Variants in CARM1 observed in about 807,000 individuals in gnomAD.
The protein encoded by CARM1 is coactivator associated arginine methyltransferase 1.
Under a neutral mutation model 72.7 loss-of-function variants are expected in CARM1, and 14 were observed. The ratio of observed to expected loss-of-function variants is 0.19; its 90% CI spans 0.13 to 0.30. The LOEUF is 0.30. CARM1 is among the 10% of genes least tolerant of loss of function. The pLI is 1.00. For missense variants in CARM1, 432 were observed against 833.7 expected (o/e 0.52, Z 5.93); for synonymous variants, 333 against 345.5 (o/e 0.96, Z 0.40).
chr19:10,892,279 G>A (rs753134558), intron 1 of CARM1, among the ~76,000 whole-genome samples: 6 of 152,230 alleles, frequency 3.9e-5, no homozygotes, highest in Admixed American at 2.0e-4. Context: ...TTTCTGGGCC[G>A]GAAGTTTTTG....
chr19:10,909,068 A>G lies in CARM1; in HGVS notation c.454-35A>G, dbSNP rs749838283. On this transcript the variant is annotated intron_variant, in intron 3 of 15. Transcript: ENST00000327064. ...AGGGCCTTGGCTGCCTCGTGCCACC[A>G]TGTGCCCCGTGCCATCGGTATGTCT... is the stretch of plus-strand genomic sequence containing the variant. 243 of 1,526,900 alleles carry G rather than the reference A, an allele frequency of 1.6e-4. 1 individual carries two copies. The highest frequency in any genetic ancestry group is 1.8e-6 in the Non-Finnish European group (2 of 1,102,276). The allele number at this position is 1,526,900 out of a possible 1,614,324, so 94.6% of individuals were successfully genotyped here.
intron 2 of CARM1, among the ~76,000 whole-genome samples, chr19:10,906,938 ACT>A (rs1157389189): frequency 4.3e-5 from 6 of 139,160 alleles, no homozygotes; most frequent in African/African-American, 1.6e-4. Flanking sequence ...ACAGAGTCTC[ACT>A]CTGTTGCCCA....
intron 1 of CARM1, among the ~76,000 whole-genome samples, chr19:10,899,186 A>G (rs1243944516): frequency 6.6e-6 from 1 of 152,160 alleles, no homozygotes; most frequent in African/African-American, 2.4e-5. Flanking sequence ...ACTTGCCCTC[A>G]GCCCCGGCAT....
rs1227147212 is a variant in CARM1, at chr19:10,896,900, G to A, written c.221-8051G>A. On this transcript the variant is annotated intron_variant, in intron 1 of 15. Transcript: ENST00000327064. This position sits in a 1 kb window ranked among gnomAD's most constrained non-coding sequence, Gnocchi z 5.2. ...GGAAGTGGGTGGCGAGGATGCTGAG[G>A]GTCCAGCCTCTGCTCTGCACCTGTA... Among the ~76,000 whole-genome samples, 1 of 152,168 alleles carries A rather than the reference G, an allele frequency of 6.6e-6. No individual in the cohort carries two copies. Among genetic ancestry groups the A allele is most frequent in the Non-Finnish European group, 1.5e-5 (1 of 68,008 alleles).
chr19:10,911,729 G>A (rs529833429), intron 4 of CARM1, among the ~76,000 whole-genome samples: 2 of 152,214 alleles, frequency 1.3e-5, no homozygotes, highest in Non-Finnish European at 2.9e-5. Context: ...GTAGCCCTGC[G>A]GGGAGCCCAG....
At position 10,920,852 on chromosome 19, in the gene CARM1, C is replaced by G. The variant is rs2074238349; in HGVS notation, c.1443C>G (p.Pro481=). The change falls in exon 13 of 16, where the codon CCC becomes CCG. Residue 481 remains proline, a synonymous_variant. Transcript: ENST00000327064. The surrounding 1 kb of genome is among the most constrained non-coding windows in gnomAD (Gnocchi z 5.3). ...GCCATAGATACACGGGCACAACGCC[C>G]TCACCCCCACCCGGCTCCCACTACA... ...NPFFRYTGTT[P]SPPPGSHYTS... The G allele has an allele frequency of 8.1e-6, 13 of 1,614,234 alleles. No individual in the cohort carries two copies. The highest frequency in any genetic ancestry group is 1.1e-5 in the Non-Finnish European group (13 of 1,180,024).
intron 1 of CARM1, among the ~76,000 whole-genome samples, chr19:10,881,726 C>T (rs1599684925): frequency 6.6e-6 from 1 of 152,160 alleles, no homozygotes; most frequent in African/African-American, 2.4e-5. Context: ...CCCACTCTTT[C>T]ATTCATTCAG....
At position 10,920,421 on chromosome 19, in the gene CARM1, G is replaced by A. The variant is rs1182524020; in HGVS notation, c.1197-15G>A. The A allele has an allele frequency of 6.2e-7, 1 of 1,605,108 alleles. No homozygotes were observed. The highest frequency in any genetic ancestry group is 8.5e-7 in the Non-Finnish European group (1 of 1,173,298). On this transcript the variant is annotated splice_polypyrimidine_tract_variant and intron_variant, in intron 10 of 15. Coordinates refer to ENST00000327064, the MANE Select transcript of CARM1 (RefSeq NM_199141.2). The surrounding 1 kb of genome is among the most constrained non-coding windows in gnomAD (Gnocchi z 5.3). ...CGCCGGCCCAGTCAAGTATGTGCCT[G>A]TCCCTGCTCCACAGAATGACCGTGT... is the stretch of plus-strand genomic sequence containing the variant.
rs1421773051 is a variant in CARM1, at chr19:10,896,935, G to C, written c.221-8016G>C. Among the ~76,000 whole-genome samples, 1 of 152,162 alleles carries C rather than the reference G, an allele frequency of 6.6e-6. No individual in the cohort carries two copies. The highest frequency in any genetic ancestry group is 2.4e-5 in the African/African-American group (1 of 41,448). ...CTGCTCTGCACCTGTAATCCTTCCGGGTTTTGCAAATGAAGCTTTATGGGC... is the reference window on the plus strand; with the variant it reads ...CTGCTCTGCACCTGTAATCCTTCCGCGTTTTGCAAATGAAGCTTTATGGGC... On this transcript the variant is annotated intron_variant, in intron 1 of 15. Coordinates refer to ENST00000327064, the MANE Select transcript of CARM1 (RefSeq NM_199141.2). This position sits in a 1 kb window ranked among gnomAD's most constrained non-coding sequence, Gnocchi z 5.2.
Position 10,920,541 on chromosome 19 carries a change from C to T in CARM1, c.1302C>T (p.Leu434=). The part of the protein sequence containing the change: ...SPLFAKAGDT[L]SGTCLLIANK... The stretch of plus-strand genomic sequence containing the variant: ...TGTTCGCCAAGGCAGGGGACACGCT[C>T]TCAGGGACATGTCTGCTTATTGCCA... The change falls in exon 11 of 16, where the codon CTC becomes CTT. Residue 434 remains leucine (L), a synonymous_variant. Transcript: ENST00000327064. This position sits in a 1 kb window ranked among gnomAD's most constrained non-coding sequence, Gnocchi z 5.3. The T allele has an allele frequency of 6.2e-7, 1 of 1,614,052 alleles. No homozygotes were observed. The highest frequency in any genetic ancestry group is 1.3e-5 in the African/African-American group (1 of 75,024).
intron 3 of CARM1, chr19:10,908,471 C>T (rs531544309): frequency 1.1e-4 from 31 of 281,688 alleles, no homozygotes; most frequent in Admixed American, 2.3e-4. Context: ...CTGGTCTAAG[C>T]GCTGTCACAT....
In CARM1 at chr19:10,921,950, G is replaced by A. The variant is rs923750977; in HGVS notation, c.*193G>A. 14 of 555,430 alleles carry A rather than the reference G, an allele frequency of 2.5e-5. No homozygotes were observed. Among genetic ancestry groups the A allele is most frequent in the Non-Finnish European group, 3.8e-5 (12 of 319,718 alleles). 34.4% of individuals were successfully genotyped at this position (555,430 alleles called of 1,614,324 possible). A position where few individuals can be genotyped will look rare whatever the true frequency, so the allele number is the denominator to read the frequency against. On this transcript the variant is annotated 3_prime_UTR_variant, in exon 16 of 16. Transcript: ENST00000327064. ...ACCCTAACCCCCACCTCCCGGCCCT[G>A]AGCGTGTGTCGCTGCCATATTTTAC...
intron 1 of CARM1, among the ~76,000 whole-genome samples, chr19:10,899,455 C>G (rs1224858506): frequency 2.0e-5 from 3 of 152,204 alleles, no homozygotes; most frequent in Non-Finnish European, 4.4e-5. Flanking sequence ...CTTCCTGGGA[C>G]CCACCCACAG....
rs1760616347 is a variant in CARM1, at chr19:10,873,754, C to T, written c.220+1832C>T. Among the ~76,000 whole-genome samples the T allele has an allele frequency of 2.0e-5, 3 of 148,782 alleles. No individual in the cohort carries two copies. The South Asian group carries it at 6.5e-4, about 32-fold the overall frequency. On this transcript the variant is annotated intron_variant, in intron 1 of 15. Coordinates refer to ENST00000327064, the MANE Select transcript of CARM1 (RefSeq NM_199141.2). Reference sequence around the variant, plus strand: ...ACCTGGGTTCACGCCATTCTCCTGCCTCAGCCTCCCGAGTAGCTGGGACTA... The same window carrying T: ...ACCTGGGTTCACGCCATTCTCCTGCTTCAGCCTCCCGAGTAGCTGGGACTA...
At position 10,922,295 on chromosome 19, in the gene CARM1, G is replaced by A. The variant is rs2074267282; in HGVS notation, c.*538G>A. ...GCCGAGCCAGCAGCCCCTCTCCCTA[G>A]ACTCAGAGGCGCCGCGGGGAGGGGT... On this transcript the variant is annotated 3_prime_UTR_variant, in exon 16 of 16. Coordinates refer to ENST00000327064, the MANE Select transcript of CARM1 (RefSeq NM_199141.2). 6.5e-6 allele frequency: 1 copy of A among 152,698 alleles called. No individual in the cohort carries two copies. Among genetic ancestry groups the A allele is most frequent in the Admixed American group, 6.5e-5 (1 of 15,280 alleles). 9.5% of individuals were successfully genotyped at this position (152,698 alleles called of 1,614,324 possible). A position where few individuals can be genotyped will look rare whatever the true frequency, so the allele number is the denominator to read the frequency against.
chr19:10,888,039 G>A lies in CARM1; in HGVS notation c.220+16117G>A, dbSNP rs553867644. On this transcript the variant is annotated intron_variant, in intron 1 of 15. Coordinates refer to ENST00000327064, the MANE Select transcript of CARM1 (RefSeq NM_199141.2). ...CTCAGCAGCCTGGGGTCTTCTTGCC[G>A]CTCCATGACACGCCTCATTCAGCCC... Among the ~76,000 whole-genome samples, 11 of 152,320 alleles carry A rather than the reference G, an allele frequency of 7.2e-5. No homozygotes were observed. In the South Asian group the frequency reaches 1.2e-3, roughly 17 times the overall value.
rs577863736 is a variant in CARM1, at chr19:10,920,285, G to C, written c.1197-151G>C. 37 of 873,918 alleles carry C rather than the reference G, an allele frequency of 4.2e-5. 1 individual carries two copies. The South Asian group carries it at 6.5e-4, about 15-fold the overall frequency. 54.1% of individuals were successfully genotyped at this position (873,918 alleles called of 1,614,324 possible). ...TATGCCTGCTCATGTTTGTGTCTGGGACTGCCTGGGGGCCAGCCTGTCTCT... is the reference window on the plus strand; with the variant it reads ...TATGCCTGCTCATGTTTGTGTCTGGCACTGCCTGGGGGCCAGCCTGTCTCT... On this transcript the variant is annotated intron_variant, in intron 10 of 15. Coordinates refer to ENST00000327064, the MANE Select transcript of CARM1 (RefSeq NM_199141.2). This position sits in a 1 kb window ranked among gnomAD's most constrained non-coding sequence, Gnocchi z 5.3.
chr19:10,891,913 C>T (rs1170824676), intron 1 of CARM1, among the ~76,000 whole-genome samples: 1 of 152,180 alleles, frequency 6.6e-6, no homozygotes, highest in Non-Finnish European at 1.5e-5. Context: ...AAGGAGGGTG[C>T]GGATTGAAAA....
Position 10,921,416 on chromosome 19 carries a change from T to A in CARM1, c.1657T>A (p.Ser553Thr). 6.2e-7 allele frequency: 1 copy of A among 1,610,242 alleles called. No individual in the cohort carries two copies. Among genetic ancestry groups the A allele is most frequent in the South Asian group, 1.1e-5 (1 of 90,670 alleles). The part of the protein sequence containing the change: ...IVNHTHSRMG[S>T]IMSTGIVQGS... Reference sequence around the variant, plus strand: ...CAATCACACCCACTCCCGGATGGGCTCCATAATGAGCACGGGGATTGTCCA... The same window carrying A: ...CAATCACACCCACTCCCGGATGGGCACCATAATGAGCACGGGGATTGTCCA... The change falls in exon 15 of 16, where the codon TCC becomes ACC. Residue 553 changes from serine (S) to threonine (T), a missense_variant. Around this residue, in one of 3 missense-constraint regions of CARM1, gnomAD observed 142 missense variants for 188.7 expected, o/e 0.75. Coordinates refer to ENST00000327064, the MANE Select transcript of CARM1 (RefSeq NM_199141.2).
Sources: gnomAD v4.1 joint callset for allele counts (sites outside exome capture counted in the v4.1 genomes callset) on GRCh38, gnomAD v4.1.1 for gene constraint, gnomAD v4.1.1 regional missense constraint, Gnocchi (gnomAD v3.1) non-coding constraint, MANE v1.5 for transcripts, NCBI Gene and HGNC (gene_info 2026-07-23, HGNC 2026-07-21) for gene names.